Variants in ZNF415 observed in about 807,000 individuals in gnomAD.
ZNF415 encodes zinc finger protein 415.
In ZNF415, 5 loss-of-function variants were observed where a neutral mutation model predicts 7.3. The ratio of observed to expected loss-of-function variants is 0.69; its 90% CI spans 0.36 to 1.44. The LOEUF (loss-of-function observed/expected upper bound fraction) is 1.44, where lower values mean the gene tolerates loss of function less well. ZNF415 is among the 40% of genes most tolerant of loss of function. The pLI, the probability that ZNF415 is intolerant of heterozygous loss-of-function variation, is 0.04. For synonymous variants in ZNF415, 207 were observed against 226.3 expected (o/e 0.91, Z 0.77); for missense variants, 628 against 664.8 (o/e 0.94, Z 0.61).
chr19:53,110,426 A>C (rs1014894285), intron 3 of ZNF415, among the ~76,000 whole-genome samples: 2 of 152,184 alleles, frequency 1.3e-5, no homozygotes, highest in African/African-American at 2.4e-5. Flanking sequence ...AGAAAACGAG[A>C]CAAAAACTAA....
chr19:53,116,758 G>A (rs1186458256), intron 2 of ZNF415, among the ~76,000 whole-genome samples: 2 of 151,850 alleles, frequency 1.3e-5, no homozygotes, highest in Non-Finnish European at 2.9e-5. Context: ...TGGACTATAG[G>A]CATGTGTGTA....
chr19:53,126,779 G>A (rs28735711), intron 1 of ZNF415, among the ~76,000 whole-genome samples: 50,815 of 97,480 alleles, frequency 0.52, 7,941 homozygotes, highest in African/African-American at 0.65. Flanking sequence ...ATTCCTGAGC[G>A]GAGGGGCACC....
At chr19:53,122,852 C>T (rs2088359517) in intron 1 of ZNF415, 109 bp from the exon 2 acceptor site, 2 of 789,774 alleles carry the variant, frequency 2.5e-6, no homozygotes, top group South Asian at 3.7e-5. Flanking sequence ...AAAGACGGTC[C>T]TCTGCCGCCC....
intron 1 of ZNF415, chr19:53,123,556 G>C (rs1367057656): frequency 5.0e-6 from 2 of 398,652 alleles, no homozygotes; most frequent in East Asian, 7.1e-5. Context: ...TGAAGGCCTT[G>C]AGGCAGGAGC....
At chr19:53,115,295 A>G (rs560243015) in intron 3 of ZNF415, 47 of 182,930 alleles carry the variant, frequency 2.6e-4, no homozygotes, top group Non-Finnish European at 4.3e-4. Flanking sequence ...AGATTGCACC[A>G]TTGCACTCCA....
At chr19:53,123,794 A>C in intron 1 of ZNF415, 1 of 381,692 alleles carries the variant, frequency 2.6e-6, no homozygotes, top group Non-Finnish European at 4.6e-6. Flanking sequence ...CCCACTTACA[A>C]TGTAAAATCT....
At chr19:53,123,950 G>A (rs73601426) in intron 1 of ZNF415, 8,804 of 168,556 alleles carry the variant, frequency 0.052, 464 homozygotes, top group African/African-American at 0.14. Flanking sequence ...AGAAAGTTGA[G>A]GAGAAGGCTA....
chr19:53,109,466 A>G lies in ZNF415; in HGVS notation c.579T>C (p.Tyr193=). ...STIKTHVSNK[Y]GTDFICSSLL... ...ATGAAGAACAGATGAAATCAGTCCCATATTTATTAGAAACATGGGTTTTGA... is the reference window on the plus strand; with the variant it reads ...ATGAAGAACAGATGAAATCAGTCCCGTATTTATTAGAAACATGGGTTTTGA... The change falls in exon 4 of 4, where the codon TAT becomes TAC. Residue 193 remains tyrosine (Y), a synonymous_variant. Coordinates refer to ENST00000243643, the MANE Select transcript of ZNF415 (RefSeq NM_018355.4). 1.2e-6 allele frequency: 2 copies of G among 1,614,116 alleles called. No individual in the cohort carries two copies. Among genetic ancestry groups the G allele is most frequent in the Non-Finnish European group, 1.7e-6 (2 of 1,180,006 alleles).
In ZNF415 at chr19:53,113,456, G is replaced by A. The variant is rs1161041776; in HGVS notation, c.136+2857C>T. 8.7e-5 allele frequency among the ~76,000 whole-genome samples: 3 copies of A among 34,360 alleles called. 1 individual carries two copies. The East Asian group carries it at 4.9e-3, about 56-fold the overall frequency. The allele number at this position is 34,360 out of a possible 152,430, so 22.5% of individuals were successfully genotyped here. ...CGGGAGGCGGAGCTTGCAGTGAGTCGAGATCGCGCCACTGCACTCCAGCCT... is the reference window on the plus strand; with the variant it reads ...CGGGAGGCGGAGCTTGCAGTGAGTCAAGATCGCGCCACTGCACTCCAGCCT... On this transcript the variant is annotated intron_variant, in intron 3 of 3. Coordinates refer to ENST00000243643, the MANE Select transcript of ZNF415 (RefSeq NM_018355.4).
rs747615291 is a variant in ZNF415 at position 53,108,909 on chromosome 19, G to C, written c.1136C>G (p.Thr379Ser). The change falls in exon 4 of 4, where the codon ACT becomes AGT. Residue 379 changes from threonine to serine, a missense_variant. Physicochemically the swap from Thr to Ser is moderately conservative, Grantham distance 58. Transcript: ENST00000243643. ...ATTACACTTGTATGGTTTCTCCCCA[G>C]TGTGAATTCTCTGATGAGTTGCAAG... ...SSLATHQRIH[T>S]GEKPYKCNEC... The C allele has an allele frequency of 1.9e-6, 3 of 1,614,154 alleles. No individual in the cohort carries two copies. Among genetic ancestry groups the C allele is most frequent in the Non-Finnish European group, 8.5e-7 (1 of 1,180,014 alleles).
rs932904928 is a variant in ZNF415 at position 53,110,689 on chromosome 19, T to G, written c.137-781A>C. Among the ~76,000 whole-genome samples the G allele has an allele frequency of 3.9e-5, 6 of 152,320 alleles. No individual in the cohort carries two copies. The South Asian group carries it at 1.2e-3, about 32-fold the overall frequency. On this transcript the variant is annotated intron_variant, in intron 3 of 3. Coordinates refer to ENST00000243643, the MANE Select transcript of ZNF415 (RefSeq NM_018355.4). The stretch of plus-strand genomic sequence containing the variant: ...TTATAGCCTGTAAATGATTCTCTCC[T>G]AAGAAAAAAGCAAGAACTATTTCAG...
chr19:53,110,026 T>C (rs1357824614), intron 3 of ZNF415, 118 bp from the exon 4 acceptor site: 1 of 771,392 alleles, frequency 1.3e-6, no homozygotes, highest in East Asian at 3.0e-5. Flanking sequence ...TTATAAAACT[T>C]CCCAATCATG....
chr19:53,111,242 A>G (rs940962661), intron 3 of ZNF415, among the ~76,000 whole-genome samples: 9 of 152,010 alleles, frequency 5.9e-5, no homozygotes, highest in Non-Finnish European at 8.8e-5. Flanking sequence ...AGCCAGTACC[A>G]GGAACTGATT....
chr19:53,132,115 G>A (rs188995974), intron 1 of ZNF415, among the ~76,000 whole-genome samples: 5 of 152,028 alleles, frequency 3.3e-5, no homozygotes, highest in African/African-American at 9.7e-5. Flanking sequence ...CTACTTTCTC[G>A]GCTTCTTCTT....
Position 53,113,124 on chromosome 19 carries a change from C to T in ZNF415, c.136+3189G>A, listed in dbSNP as rs115917685. ...AGTATCATAAAAAATACAGAATTTA[C>T]GACTAAATGAAAAAGATGTTCATTT... On this transcript the variant is annotated intron_variant, in intron 3 of 3. Transcript: ENST00000243643. Among the ~76,000 whole-genome samples the T allele has an allele frequency of 6.1e-3, 918 of 149,378 alleles. 4 individuals carry two copies. The highest frequency in any genetic ancestry group is 8.4e-3 in the African/African-American group (339 of 40,254).
chr19:53,110,655 T>A (rs2086094299), intron 3 of ZNF415, among the ~76,000 whole-genome samples: 1 of 152,204 alleles, frequency 6.6e-6, no homozygotes, highest in Non-Finnish European at 1.5e-5. Flanking sequence ...TAACTACACT[T>A]GTACAAAGTT....
chr19:53,109,344 C>G lies in ZNF415; in HGVS notation c.701G>C (p.Arg234Pro). 2 of 1,614,150 alleles carry G rather than the reference C, an allele frequency of 1.2e-6. No homozygotes were observed. Among genetic ancestry groups the G allele is most frequent in the Non-Finnish European group, 1.7e-6 (2 of 1,180,022 alleles). ...ALNHGSHMTV[R>P]QVSHSGEKGY... ...TTTCTCTCCAGAATGACTTACCTGACGTACAGTCATGTGTGAGCCATGATT... is the reference window on the plus strand; with the variant it reads ...TTTCTCTCCAGAATGACTTACCTGAGGTACAGTCATGTGTGAGCCATGATT... Residue 234 changes from arginine (R) to proline (P), a missense_variant, in exon 4 of 4, where the codon CGT becomes CCT. Physicochemically the swap from Arg to Pro is moderately radical, Grantham distance 103. Transcript: ENST00000243643.
chr19:53,114,502 T>C (rs1474940222), intron 3 of ZNF415, among the ~76,000 whole-genome samples: 1 of 152,148 alleles, frequency 6.6e-6, no homozygotes, highest in Non-Finnish European at 1.5e-5. Flanking sequence ...TCATGCAAAC[T>C]TAAGAGAAAA....
chr19:53,125,504 A>G (rs778101244), intron 1 of ZNF415, among the ~76,000 whole-genome samples: 1 of 151,934 alleles, frequency 6.6e-6, no homozygotes, highest in Non-Finnish European at 1.5e-5. Flanking sequence ...CATCTGGCTG[A>G]TTTTTAAATT....
Sources: allele counts gnomAD v4.1 joint callset (sites outside exome capture counted in the v4.1 genomes callset), GRCh38; gene constraint gnomAD v4.1.1; transcripts MANE v1.5; gene names NCBI Gene and HGNC (gene_info 2026-07-23, HGNC 2026-07-21).